DLG2: variants seen among roughly 807,000 people sequenced by gnomAD.
The protein encoded by DLG2 is disks large homolog 2.
A neutral mutation model predicts 132.5 loss-of-function variants in DLG2; 45 were observed. That is an observed-to-expected ratio of 0.34 (90% CI 0.27 to 0.44). The LOEUF (loss-of-function observed/expected upper bound fraction) is 0.44. Ranked by LOEUF, DLG2 falls within the 20% of genes least tolerant of loss-of-function variation. The pLI is 1.00. For missense variants in DLG2, 1,045 were observed against 1,196.9 expected, an observed-to-expected ratio of 0.87 and a Z score of 1.87; for synonymous variants, 424 against 419.6, an observed-to-expected ratio of 1.01 and a Z score of -0.13.
intron 19 of DLG2, among the ~76,000 whole-genome samples, chr11:83,582,694 A>C (rs1188824478): frequency 6.6e-6 from 1 of 152,232 alleles, no homozygotes; most frequent in Non-Finnish European, 1.5e-5. Context: ...CTGATTTTCA[A>C]ACAAAATGTA....
At chr11:85,536,572 G>A (rs1374779087) in intron 3 of DLG2, among the ~76,000 whole-genome samples, 2 of 152,236 alleles carry the variant, frequency 1.3e-5, no homozygotes, top group Non-Finnish European at 2.9e-5. Flanking sequence ...CCTCTCTGGG[G>A]CTGGTTGAGG....
At chr11:84,832,819 C>T (rs1215272962) in intron 6 of DLG2, among the ~76,000 whole-genome samples, 1 of 151,544 alleles carries the variant, frequency 6.6e-6, no homozygotes, top group African/African-American at 2.4e-5. Flanking sequence ...ATTCCCCCCT[C>T]CGCCCCCAGT....
intron 8 of DLG2, among the ~76,000 whole-genome samples, chr11:84,220,275 A>T (rs1202185068): frequency 6.6e-6 from 1 of 152,222 alleles, no homozygotes; most frequent in Non-Finnish European, 1.5e-5. Context: ...ACTAGACCAC[A>T]GATTACCGAT....
At chr11:83,926,937 C>T (rs1358028762) in intron 15 of DLG2, among the ~76,000 whole-genome samples, 8 of 152,052 alleles carry the variant, frequency 5.3e-5, no homozygotes, top group South Asian at 2.1e-4. Flanking sequence ...TGAGTCCTCA[C>T]GAAGAACTGA....
chr11:83,598,651 A>G (rs570565043), intron 19 of DLG2, among the ~76,000 whole-genome samples: 4 of 152,312 alleles, frequency 2.6e-5, no homozygotes, highest in Admixed American at 2.6e-4. Context: ...TACTTAATAA[A>G]CTTTAGATCT....
intron 8 of DLG2, among the ~76,000 whole-genome samples, chr11:84,247,535 A>G (rs1290630042): frequency 6.6e-6 from 1 of 152,104 alleles, no homozygotes; most frequent in South Asian, 2.1e-4. Flanking sequence ...CCTGCTTTGC[A>G]TGAGAAGCTA....
intron 5 of DLG2, among the ~76,000 whole-genome samples, chr11:85,119,444 C>T (rs537090489): frequency 2.2e-4 from 33 of 152,030 alleles, no homozygotes; most frequent in African/African-American, 7.7e-4. Context: ...GATTTAAAAG[C>T]ATAGTTTTGT....
At chr11:84,605,007 A>G (rs1251511227) in intron 6 of DLG2, among the ~76,000 whole-genome samples, 1 of 151,920 alleles carries the variant, frequency 6.6e-6, no homozygotes, top group Non-Finnish European at 1.5e-5. Context: ...TTTCACATAA[A>G]TGAGATAGAA....
At chr11:84,906,387 C>A (rs974430792) in intron 6 of DLG2, among the ~76,000 whole-genome samples, 1 of 150,590 alleles carries the variant, frequency 6.6e-6, no homozygotes, top group African/African-American at 2.4e-5. Context: ...GGCTAACACA[C>A]ACACACACAC....
chr11:84,125,273 C>T (rs10898208), intron 9 of DLG2, among the ~76,000 whole-genome samples: 141,643 of 152,206 alleles, frequency 0.93, 66,138 homozygotes, highest in African/African-American at 0.98. Flanking sequence ...GCTGAGACAG[C>T]ACTTATAATA....
At chr11:85,431,515 T>C (rs997977603) in intron 3 of DLG2, among the ~76,000 whole-genome samples, 6 of 152,236 alleles carry the variant, frequency 3.9e-5, no homozygotes, top group African/African-American at 7.2e-5. Context: ...TGCCTAAGCC[T>C]GCCAAGTTCC....
chr11:83,779,565 C>T (rs538915806), intron 18 of DLG2, among the ~76,000 whole-genome samples: 97 of 152,212 alleles, frequency 6.4e-4, no homozygotes, highest in Non-Finnish European at 1.1e-3. Context: ...AAGCCACTCC[C>T]CATCATGAGC....
chr11:85,288,151 C>T (rs1201352633), intron 3 of DLG2, among the ~76,000 whole-genome samples: 1 of 151,822 alleles, frequency 6.6e-6, no homozygotes, highest in East Asian at 1.9e-4. Flanking sequence ...AGATAAATTG[C>T]ATATATTATT....
intron 3 of DLG2, among the ~76,000 whole-genome samples, chr11:85,338,839 G>A (rs573079940): frequency 6.6e-6 from 1 of 151,744 alleles, no homozygotes; most frequent in South Asian, 2.1e-4. Context: ...TGAGTAGCTG[G>A]GACTACAGGA....
At chr11:84,384,317 T>C (rs973512767) in intron 7 of DLG2, among the ~76,000 whole-genome samples, 3 of 151,978 alleles carry the variant, frequency 2.0e-5, no homozygotes, top group Non-Finnish European at 2.9e-5. Context: ...CTAATAAATA[T>C]GGAAAATGCA....
At chr11:85,301,535 C>T (rs985197450) in intron 3 of DLG2, among the ~76,000 whole-genome samples, 1 of 152,078 alleles carries the variant, frequency 6.6e-6, no homozygotes, top group Non-Finnish European at 1.5e-5. Flanking sequence ...CTGTGAGTCT[C>T]GATTATGCAG....
chr11:85,528,949 A>C (rs1402241235), intron 3 of DLG2, among the ~76,000 whole-genome samples: 1 of 152,242 alleles, frequency 6.6e-6, no homozygotes, highest in African/African-American at 2.4e-5. Flanking sequence ...ATTCACCAAT[A>C]GACTGAACAA....
chr11:83,757,392 T>C (rs529865201), intron 18 of DLG2, among the ~76,000 whole-genome samples: 4 of 152,338 alleles, frequency 2.6e-5, no homozygotes, highest in African/African-American at 4.8e-5. Flanking sequence ...TTTTCAAAGC[T>C]AGAAAGTCAT....
intron 10 of DLG2, among the ~76,000 whole-genome samples, chr11:84,068,964 C>T (rs116198186): frequency 7.2e-5 from 11 of 152,088 alleles, no homozygotes; most frequent in Non-Finnish European, 1.6e-4. Flanking sequence ...AATGATTTTG[C>T]GACTTACTTA....
Sources: gnomAD v4.1 joint callset for allele counts (sites outside exome capture counted in the v4.1 genomes callset) on GRCh38, gnomAD v4.1.1 for gene constraint, MANE v1.5 for transcripts, NCBI Gene and HGNC (gene_info 2026-07-23, HGNC 2026-07-21) for gene names.